The following COL19A1 variants were observed in gnomAD, a reference collection of about 807,000 sequenced individuals.
COL19A1 encodes collagen alpha-1(XIX) chain.
COL19A1 carries 159 observed loss-of-function variants against 190.2 expected under a neutral mutation model. That is an observed-to-expected ratio of 0.84 (90% CI 0.73 to 0.95). The LOEUF (loss-of-function observed/expected upper bound fraction) is 0.95, where lower values mean the gene tolerates loss of function less well. COL19A1 is among the 40% of genes least tolerant of loss of function. The pLI is 0.00. For missense variants in COL19A1, 1,418 were observed against 1,431.9 expected, an observed-to-expected ratio of 0.99 and a Z score of 0.16; for synonymous variants, 509 against 458.9, an observed-to-expected ratio of 1.11 and a Z score of -1.39.
At chr6:70,034,142 T>G (rs2150116235) in intron 12 of COL19A1, 103 bp from the exon 13 acceptor site, 282 of 791,036 alleles carry the variant, frequency 3.6e-4, no homozygotes, top group Non-Finnish European at 5.1e-4. Context: ...AAAGGAAGAA[T>G]GAGATTTGGA....
At chr6:70,082,770 C>T (rs1433419307) in intron 15 of COL19A1, among the ~76,000 whole-genome samples, 2 of 151,994 alleles carry the variant, frequency 1.3e-5, no homozygotes, top group Non-Finnish European at 2.9e-5. Flanking sequence ...TTTTTTGGCA[C>T]CAGGGATGGG....
chr6:69,959,049 C>G (rs1223119080), intron 9 of COL19A1, among the ~76,000 whole-genome samples: 1 of 152,050 alleles, frequency 6.6e-6, no homozygotes, highest in African/African-American at 2.4e-5. Context: ...AACTCAGAAG[C>G]CAAAGTAAAT....
In COL19A1 at chr6:69,936,822, C is replaced by A. The variant is rs1218347513; in HGVS notation, c.785C>A (p.Ser262Ter). 2 of 1,612,998 alleles carry A rather than the reference C, an allele frequency of 1.2e-6. No homozygotes were observed. The highest frequency in any genetic ancestry group is 2.7e-5 in the African/African-American group (2 of 74,840). The change falls in exon 8 of 51, where the codon TCA becomes TAA. Residue 262 changes from serine to a stop codon, truncating the protein, a stop_gained. Transcript: ENST00000620364. LOFTEE classifies it high-confidence loss of function. ...GATGGCTTTGGAAATATTGCATCAT[C>A]ATGGGTAACTGCTCATGCCAGTAAA... ...EQDGFGNIAS[S>*]WVTAHASKMS...
intron 15 of COL19A1, among the ~76,000 whole-genome samples, chr6:70,101,033 G>A (rs1783595290): frequency 6.6e-6 from 1 of 152,086 alleles, no homozygotes; most frequent in Non-Finnish European, 1.5e-5. Flanking sequence ...GAGGAATCAG[G>A]CAACTTTGCC....
At chr6:69,922,081 C>G (rs954599225) in intron 4 of COL19A1, among the ~76,000 whole-genome samples, 1 of 151,904 alleles carries the variant, frequency 6.6e-6, no homozygotes, top group African/African-American at 2.4e-5. Flanking sequence ...TTCTGTGTCA[C>G]GTTAAGTGTT....
chr6:70,074,186 G>A (rs1169689774), intron 15 of COL19A1, among the ~76,000 whole-genome samples: 3 of 152,080 alleles, frequency 2.0e-5, no homozygotes, highest in African/African-American at 4.8e-5. Flanking sequence ...CTGCCTCACA[G>A]TAAAGTAAAA....
chr6:69,923,322 G>A (rs1221701285), intron 4 of COL19A1, among the ~76,000 whole-genome samples: 1 of 152,104 alleles, frequency 6.6e-6, no homozygotes, highest in Non-Finnish European at 1.5e-5. Context: ...TTGAAAACCA[G>A]TAGCTTCAGA....
Position 70,211,764 on chromosome 6 carries a change from G to C in COL19A1, c.*4490G>C, listed in dbSNP as rs1038998691. ...TTTTACTCAACAAAATAATGCTAGA[G>C]TAACTGATCAATTTGGTTAAATTGA... On this transcript the variant is annotated 3_prime_UTR_variant, in exon 51 of 51. Transcript: ENST00000620364. 1.3e-5 allele frequency among the ~76,000 whole-genome samples: 2 copies of C among 151,920 alleles called. No individual in the cohort carries two copies. The highest frequency in any genetic ancestry group is 6.6e-5 in the Admixed American group (1 of 15,242).
intron 2 of COL19A1, among the ~76,000 whole-genome samples, chr6:69,883,404 A>G (rs973594651): frequency 2.0e-5 from 3 of 152,218 alleles, no homozygotes; most frequent in African/African-American, 7.2e-5. Flanking sequence ...CCCGGATATC[A>G]GGTGGACAGG....
chr6:70,008,728 A>G (rs1777791446), intron 11 of COL19A1, among the ~76,000 whole-genome samples: 1 of 151,906 alleles, frequency 6.6e-6, no homozygotes, highest in Non-Finnish European at 1.5e-5. Context: ...AGACCTCAGA[A>G]AAGTCCATAG....
In COL19A1 at chr6:70,144,210, G is replaced by A; in HGVS notation, c.1627G>A (p.Gly543Arg). ...TTCCTATTAACTCTGAGTTTTCTAG[G>A]GATTGCCAGGAGAACATGGTATCCC... ...MGPRGPPGDV[G>R]LPGEHGIPGK... The change falls in exon 24 of 51, where the codon GGA becomes AGA. Residue 543 changes from glycine to arginine, a missense_variant and splice_region_variant. By Grantham distance (125) the Gly-to-Arg change is moderately radical. Transcript: ENST00000620364. 1 of 1,611,586 alleles carries A rather than the reference G, an allele frequency of 6.2e-7. No individual in the cohort carries two copies. Among genetic ancestry groups the A allele is most frequent in the Non-Finnish European group, 8.5e-7 (1 of 1,178,416 alleles).
At position 70,173,310 on chromosome 6, in the gene COL19A1, C is replaced by T. The variant is rs367767085; in HGVS notation, c.2622+1293C>T. Among the ~76,000 whole-genome samples, 12 of 152,158 alleles carry T rather than the reference C, an allele frequency of 7.9e-5. No individual in the cohort carries two copies. In the East Asian group the frequency reaches 1.4e-3, roughly 17 times the overall value. On this transcript the variant is annotated intron_variant, in intron 41 of 50. Transcript: ENST00000620364. ...TAAGCATAGAGATGCTGTTGTAAAG[C>T]GGAAGACTGGATAAGATTACCAAGG...
chr6:69,897,329 C>G (rs1328179711), intron 2 of COL19A1, among the ~76,000 whole-genome samples: 1 of 152,066 alleles, frequency 6.6e-6, no homozygotes, highest in Non-Finnish European at 1.5e-5. Context: ...TGTACCAACC[C>G]CACAGTATAA....
intron 16 of COL19A1, 124 bp downstream of exon 16, chr6:70,102,346 G>T (rs551997196): frequency 2.7e-6 from 2 of 741,572 alleles, no homozygotes; most frequent in Admixed American, 2.2e-5. Context: ...TAGAATGACT[G>T]GTTTCAGCAT....
At chr6:70,138,375 T>C (rs772791975) in intron 19 of COL19A1, among the ~76,000 whole-genome samples, 1 of 152,130 alleles carries the variant, frequency 6.6e-6, no homozygotes, top group Non-Finnish European at 1.5e-5. Context: ...TCATTTATAT[T>C]CAAATAGGAC....
intron 46 of COL19A1, among the ~76,000 whole-genome samples, chr6:70,186,039 A>C (rs950778024): frequency 6.6e-6 from 1 of 152,158 alleles, no homozygotes; most frequent in African/African-American, 2.4e-5. Flanking sequence ...TCCAAAAAGG[A>C]GCTTATGCTG....
At chr6:69,972,854 G>A (rs1775508928) in intron 11 of COL19A1, among the ~76,000 whole-genome samples, 1 of 152,108 alleles carries the variant, frequency 6.6e-6, no homozygotes, top group South Asian at 2.1e-4. Context: ...ACCAGATATT[G>A]CAATGTCTTT....
At position 69,868,957 on chromosome 6, in the gene COL19A1, A is replaced by G. The variant is rs180788790; in HGVS notation, c.-33+2317A>G. On this transcript the variant is annotated intron_variant, in intron 1 of 50. Coordinates refer to ENST00000620364, the MANE Select transcript of COL19A1 (RefSeq NM_001858.6). ...AAGAGGCATCACAAATGAAAATTCA[A>G]TTGAAGTATGAAAAATAAACTGAAA... 2.8e-4 allele frequency among the ~76,000 whole-genome samples: 42 copies of G among 152,334 alleles called. 1 individual carries two copies. The highest frequency in any genetic ancestry group is 1.4e-3 in the Admixed American group (22 of 15,308).
chr6:70,021,127 A>G (rs1479585205), intron 11 of COL19A1, among the ~76,000 whole-genome samples: 1 of 152,116 alleles, frequency 6.6e-6, no homozygotes, highest in African/African-American at 2.4e-5. Flanking sequence ...AATGAACCTT[A>G]TTTCACTACA....
Sources: gnomAD v4.1 joint callset for allele counts (sites outside exome capture counted in the v4.1 genomes callset) on GRCh38, gnomAD v4.1.1 for gene constraint, MANE v1.5 for transcripts, NCBI Gene and HGNC (gene_info 2026-07-23, HGNC 2026-07-21) for gene names.